The following CSTPP1 variants were observed in gnomAD, a reference collection of about 807,000 sequenced individuals.
The protein encoded by CSTPP1 is UPF0705 protein C11orf49.
the CSTPP1 span, among the ~76,000 whole-genome samples, chr11:47,084,584 A>G: frequency 6.6e-6 from 1 of 152,168 alleles, no homozygotes; most frequent in Non-Finnish European, 1.5e-5. Flanking sequence ...ATTGAGGGTC[A>G]AGGTTTTTCC....
At chr11:47,057,426 A>G in the CSTPP1 span, among the ~76,000 whole-genome samples, 1 of 152,178 alleles carries the variant, frequency 6.6e-6, no homozygotes, top group South Asian at 2.1e-4. Flanking sequence ...CATTTGATAA[A>G]ATAATGATAG....
the CSTPP1 span, among the ~76,000 whole-genome samples, chr11:47,094,197 A>G: frequency 6.6e-6 from 1 of 152,206 alleles, no homozygotes; most frequent in African/African-American, 2.4e-5. Context: ...CAGGTACTAG[A>G]CATGTGCTCT....
the CSTPP1 span, among the ~76,000 whole-genome samples, chr11:47,053,894 A>T: frequency 6.6e-6 from 1 of 152,206 alleles, no homozygotes; most frequent in East Asian, 1.9e-4. Flanking sequence ...ACAGTGAGTC[A>T]TGATTATGCC....
chr11:47,149,985 C>A, the CSTPP1 span, among the ~76,000 whole-genome samples: 4 of 152,024 alleles, frequency 2.6e-5, no homozygotes, highest in African/African-American at 4.8e-5. Context: ...ACTCTAGATC[C>A]CCGTGGCATC....
the CSTPP1 span, among the ~76,000 whole-genome samples, chr11:47,091,207 C>T: frequency 4.0e-5 from 6 of 151,478 alleles, 1 homozygote; most frequent in South Asian, 8.4e-4. Context: ...CTAGCTAACA[C>T]GGTGAAACCC....
chr11:46,969,597 G>C, the CSTPP1 span, among the ~76,000 whole-genome samples: 419 of 152,164 alleles, frequency 2.8e-3, 2 homozygotes, highest in African/African-American at 9.5e-3. Flanking sequence ...CCAGATTATG[G>C]GAAACTGGAA....
At chr11:47,150,571 T>G in the CSTPP1 span, among the ~76,000 whole-genome samples, 39 of 152,240 alleles carry the variant, frequency 2.6e-4, no homozygotes, top group East Asian at 4.6e-3. Flanking sequence ...TTAGAAAAGG[T>G]GCTTTCCTCT....
the CSTPP1 span, among the ~76,000 whole-genome samples, chr11:47,024,133 C>T: frequency 6.6e-6 from 1 of 151,666 alleles, no homozygotes; most frequent in Non-Finnish European, 1.5e-5. Flanking sequence ...ATGAACATAG[C>T]TCACTGGCCT....
chr11:47,038,564 G>A, the CSTPP1 span, among the ~76,000 whole-genome samples: 90 of 109,636 alleles, frequency 8.2e-4, 1 homozygote, highest in Middle Eastern at 7.5e-3. Flanking sequence ...CGGACGGGGC[G>A]GCTGGCCGGG....
chr11:47,039,078 G>A, the CSTPP1 span, among the ~76,000 whole-genome samples: 2 of 126,426 alleles, frequency 1.6e-5, no homozygotes, highest in African/African-American at 2.5e-5. Context: ...AGGCAGAGAC[G>A]CTCCTCACTT....
the CSTPP1 span, among the ~76,000 whole-genome samples, chr11:46,989,761 A>T: frequency 6.6e-6 from 1 of 152,196 alleles, no homozygotes; most frequent in African/African-American, 2.4e-5. Flanking sequence ...TAGTGAGCAT[A>T]GTACCCAATA....
At chr11:47,101,058 G>A in the CSTPP1 span, among the ~76,000 whole-genome samples, 2 of 149,806 alleles carry the variant, frequency 1.3e-5, no homozygotes. Flanking sequence ...GAGTGCAGTG[G>A]TATAATCTTG....
the CSTPP1 span, among the ~76,000 whole-genome samples, chr11:47,133,563 C>T: frequency 6.6e-6 from 1 of 152,260 alleles, no homozygotes; most frequent in Admixed American, 6.5e-5. Context: ...CCTGAGGCTG[C>T]TGTGCTGGAG....
chr11:47,052,966 A>G, the CSTPP1 span: 1 of 154,532 alleles, frequency 6.5e-6, no homozygotes, highest in East Asian at 1.9e-4. Flanking sequence ...TGCTCTTGGC[A>G]GATATTAAAA....
At chr11:46,989,333 G>A in the CSTPP1 span, among the ~76,000 whole-genome samples, 6 of 151,726 alleles carry the variant, frequency 4.0e-5, no homozygotes, top group Non-Finnish European at 7.4e-5. Context: ...ATTTTACTCT[G>A]TTGTTAAGGC....
the CSTPP1 span, among the ~76,000 whole-genome samples, chr11:47,140,373 A>G: frequency 1.3e-5 from 2 of 151,670 alleles, no homozygotes; most frequent in Admixed American, 6.6e-5. Flanking sequence ...TTAAATTTCC[A>G]TGATCGTTCC....
chr11:46,937,605 T>C, the CSTPP1 span, among the ~76,000 whole-genome samples: 1 of 152,256 alleles, frequency 6.6e-6, no homozygotes, highest in Non-Finnish European at 1.5e-5. Context: ...AGTCTAGCTC[T>C]GTCGCCCGGG....
At chr11:46,967,268 A>G in the CSTPP1 span, among the ~76,000 whole-genome samples, 4 of 152,128 alleles carry the variant, frequency 2.6e-5, no homozygotes, top group Admixed American at 6.5e-5. Flanking sequence ...ATTTTTTTGT[A>G]TATGAGTTGT....
the CSTPP1 span, among the ~76,000 whole-genome samples, chr11:47,130,459 C>T: frequency 1.3e-5 from 2 of 152,228 alleles, no homozygotes; most frequent in East Asian, 3.9e-4. Context: ...TATCATTTCC[C>T]TCCATTTATA....
Sources: gnomAD v4.1 joint callset for allele counts (sites outside exome capture counted in the v4.1 genomes callset) on GRCh38, gnomAD v4.1.1 for gene constraint, MANE v1.5 for transcripts, NCBI Gene and HGNC (gene_info 2026-07-23, HGNC 2026-07-21) for gene names.